The following GOLM1 variants were observed in gnomAD, a reference collection of about 807,000 sequenced individuals.
The protein encoded by GOLM1 is golgi membrane protein 1.
In GOLM1, 31 loss-of-function variants were observed where a neutral mutation model predicts 50.5. That is an observed-to-expected ratio of 0.61 (90% CI 0.46 to 0.83). The LOEUF is 0.83. Ranked by LOEUF, GOLM1 falls within the 40% of genes least tolerant of loss-of-function variation. The pLI, the probability that GOLM1 is intolerant of heterozygous loss-of-function variation, is 0.00. For missense variants in GOLM1, 491 were observed against 501.3 expected (o/e 0.98, Z 0.20); for synonymous variants, 178 against 192.8 (o/e 0.92, Z 0.64).
At chr9:86,085,323 T>C (rs1304538496) in intron 1 of GOLM1, among the ~76,000 whole-genome samples, 1 of 152,186 alleles carries the variant, frequency 6.6e-6, no homozygotes, top group Non-Finnish European at 1.5e-5. Context: ...AACTGGGGTG[T>C]TCATCTTATT....
At chr9:86,053,871 A>T (rs1411457813) in intron 3 of GOLM1, among the ~76,000 whole-genome samples, 7 of 147,762 alleles carry the variant, frequency 4.7e-5, no homozygotes, top group Admixed American at 4.0e-4. Context: ...ACACCAGCTC[A>T]CAACTGCACA....
At chr9:86,076,454 A>AAG (rs1308426072) in intron 3 of GOLM1, among the ~76,000 whole-genome samples, 9 of 136,748 alleles carry the variant, frequency 6.6e-5, no homozygotes, top group East Asian at 2.1e-4. Flanking sequence ...AAAAAAAAAA[A>AAG]GCCAAATTTT....
intron 1 of GOLM1, 197 bp from the exon 2 acceptor site, chr9:86,079,538 G>A (rs991346071): frequency 3.4e-5 from 14 of 414,792 alleles, no homozygotes; most frequent in Middle Eastern, 6.3e-4. Flanking sequence ...TGTGAACCCA[G>A]GGCAGTGTGG....
intron 1 of GOLM1, among the ~76,000 whole-genome samples, chr9:86,093,794 C>A (rs1027107593): frequency 6.6e-6 from 1 of 152,166 alleles, no homozygotes; most frequent in Non-Finnish European, 1.5e-5. Flanking sequence ...CCCTCCTAGT[C>A]AAATATTATG....
At chr9:86,084,962 T>C (rs1834907627) in intron 1 of GOLM1, 1 of 152,288 alleles carries the variant, frequency 6.6e-6, no homozygotes, top group Non-Finnish European at 1.5e-5. Context: ...GAAGAATCAC[T>C]TGAACCCGGG....
intron 3 of GOLM1, among the ~76,000 whole-genome samples, chr9:86,074,102 A>G (rs1474689201): frequency 1.3e-5 from 2 of 151,988 alleles, no homozygotes; most frequent in African/African-American, 2.4e-5. Context: ...GTCAGGTGTC[A>G]TTTGCAAACC....
chr9:86,077,409 T>G lies in GOLM1; in HGVS notation c.309+3A>C, dbSNP rs779891170. On this transcript the variant is annotated splice_donor_region_variant and intron_variant, in intron 3 of 9. Coordinates refer to ENST00000388712, the MANE Select transcript of GOLM1 (RefSeq NM_016548.4). ...AACTGAGAGGAAACAAAGCAGGCCT[T>G]GCCTTTTCGTCCTGGTACAGCTTGT... 3.7e-6 allele frequency: 6 copies of G among 1,612,432 alleles called. No homozygotes were observed. The highest frequency in any genetic ancestry group is 1.6e-4 in the Middle Eastern group (1 of 6,080).
intron 1 of GOLM1, among the ~76,000 whole-genome samples, chr9:86,087,655 T>C (rs1161206947): frequency 2.6e-5 from 4 of 152,152 alleles, no homozygotes; most frequent in Non-Finnish European, 4.4e-5. Context: ...CATGAAGAGG[T>C]GTGGAATTTG....
chr9:86,073,658 C>A (rs1834522020), intron 3 of GOLM1, among the ~76,000 whole-genome samples: 1 of 152,198 alleles, frequency 6.6e-6, no homozygotes, highest in Admixed American at 6.5e-5. Flanking sequence ...ACTCTGCCCT[C>A]CGCTCCACTG....
intron 5 of GOLM1, among the ~76,000 whole-genome samples, chr9:86,044,883 C>T (rs1003881470): frequency 6.6e-6 from 1 of 151,224 alleles, no homozygotes; most frequent in Non-Finnish European, 1.5e-5. Context: ...ACCAGGGAGG[C>T]AGAGGTTGCA....
chr9:86,044,920 C>T (rs1467427368), intron 5 of GOLM1, among the ~76,000 whole-genome samples: 2 of 151,320 alleles, frequency 1.3e-5, no homozygotes, highest in Non-Finnish European at 2.9e-5. Context: ...CCACTGCACT[C>T]TAGCCTGGGA....
At position 86,035,889 on chromosome 9, in the gene GOLM1, A is replaced by AAAAAAAAAAAAAAC. The variant is rs1564340981; in HGVS notation, c.758-265_758-264insGTTTTTTTTTTTTT. ...ACCAAAAAAAAAAACAAAACAAAAA[A>AAAAAAAAAAAAAAC]AAAAAAACACCTGGACTAAATTACC... On this transcript the variant is annotated intron_variant, in intron 7 of 9. Coordinates refer to ENST00000388712, the MANE Select transcript of GOLM1 (RefSeq NM_016548.4). 6.0e-5 allele frequency among the ~76,000 whole-genome samples: 9 copies of AAAAAAAAAAAAAAC among 150,274 alleles called. No homozygotes were observed. The East Asian group carries it at 9.9e-4, about 17-fold the overall frequency.
At chr9:86,045,716 G>A (rs1021155038) in intron 5 of GOLM1, among the ~76,000 whole-genome samples, 13 of 148,566 alleles carry the variant, frequency 8.8e-5, no homozygotes, top group Non-Finnish European at 1.6e-4. Flanking sequence ...ACACACACAC[G>A]TACATAACGC....
intron 3 of GOLM1, among the ~76,000 whole-genome samples, chr9:86,064,485 C>T (rs1210547108): frequency 6.6e-6 from 1 of 152,202 alleles, no homozygotes; most frequent in Non-Finnish European, 1.5e-5. Flanking sequence ...TTCAGTGCAA[C>T]ATCACTTTTT....
intron 4 of GOLM1, among the ~76,000 whole-genome samples, chr9:86,047,693 G>A (rs117878180): frequency 0.012 from 1,884 of 152,184 alleles, 18 homozygotes; most frequent in Middle Eastern, 0.031. Flanking sequence ...TTTAATATGC[G>A]TAACTGAACA....
intron 1 of GOLM1, among the ~76,000 whole-genome samples, chr9:86,085,570 G>A (rs79542051): frequency 6.8e-6 from 1 of 147,182 alleles, no homozygotes; most frequent in Admixed American, 7.0e-5. Flanking sequence ...ATGATGGTTT[G>A]CTGCACCCAT....
chr9:86,064,407 T>G (rs750631906), intron 3 of GOLM1, among the ~76,000 whole-genome samples: 7 of 152,176 alleles, frequency 4.6e-5, no homozygotes, highest in Non-Finnish European at 1.0e-4. Flanking sequence ...ACGGGGCCTG[T>G]TGATCCCTCC....
Position 86,035,591 on chromosome 9 carries a change from C to T in GOLM1, c.792G>A (p.Glu264=). ...CCTGCGGCAGCCTGTCCCTCTGAGG[C>T]TCCTCATTCACCACCTGGATCTCAT... ...ETNEIQVVNE[E]PQRDRLPQEP... The change falls in exon 8 of 10, where the codon GAG becomes GAA. Residue 264 remains glutamate (E), a synonymous_variant. Transcript: ENST00000388712. 1 of 1,604,940 alleles carries T rather than the reference C, an allele frequency of 6.2e-7. No individual in the cohort carries two copies. Among genetic ancestry groups the T allele is most frequent in the Non-Finnish European group, 8.5e-7 (1 of 1,179,078 alleles).
intron 3 of GOLM1, among the ~76,000 whole-genome samples, chr9:86,066,320 G>A (rs1446749314): frequency 6.6e-6 from 1 of 152,114 alleles, no homozygotes; most frequent in Admixed American, 6.5e-5. Flanking sequence ...GAGAAACCGG[G>A]CAGCTCCCTG....
Sources: gnomAD v4.1 joint callset for allele counts (sites outside exome capture counted in the v4.1 genomes callset) on GRCh38, gnomAD v4.1.1 for gene constraint, MANE v1.5 for transcripts, NCBI Gene and HGNC (gene_info 2026-07-23, HGNC 2026-07-21) for gene names.